The following GBF1 variants were observed in gnomAD, a reference collection of about 807,000 sequenced individuals.
The protein encoded by GBF1 is Golgi-specific brefeldin A-resistance guanine nucleotide exchange factor 1.
A neutral mutation model predicts 210.5 loss-of-function variants in GBF1; 114 were observed. That is an observed-to-expected ratio of 0.54 (90% CI 0.47 to 0.63). The LOEUF (loss-of-function observed/expected upper bound fraction) is 0.63, where lower values mean the gene tolerates loss of function less well. Among genes scored for constraint, GBF1 ranks in the 30% least tolerant of loss-of-function variants. The pLI is 0.00. For missense variants in GBF1, 1,851 were observed against 2,357.7 expected (o/e 0.79, Z 4.45); for synonymous variants, 850 against 889.2 (o/e 0.96, Z 0.78).
intron 3 of GBF1, among the ~76,000 whole-genome samples, chr10:102,296,717 G>C (rs900260944): frequency 1.3e-5 from 2 of 148,970 alleles, no homozygotes; most frequent in Non-Finnish European, 3.0e-5. Context: ...CTCCAGCCTA[G>C]GCGACAGAGT....
intron 17 of GBF1, among the ~76,000 whole-genome samples, chr10:102,365,096 G>A (rs1286664019): frequency 6.6e-6 from 1 of 152,154 alleles, no homozygotes; most frequent in East Asian, 1.9e-4. Flanking sequence ...CTGGAGAGAA[G>A]AATTACCTAG....
Position 102,368,450 on chromosome 10 carries a change from T to C in GBF1, c.2875T>C (p.Phe959Leu), listed in dbSNP as rs1763993309. The change falls in exon 22 of 40, where the codon TTC becomes CTC. Residue 959 changes from phenylalanine to leucine, a missense_variant. Around this residue, in one of 3 missense-constraint regions of GBF1, gnomAD observed 967 missense variants for 1,247.7 expected, o/e 0.78. Transcript: ENST00000369983. ...ETIIQKAISG[F>L]RKCAMISAHY... ...AATCATCCAGAAAGCCATCTCAGGC[T>C]TCAGGTAGCCCAGCTTTGGCCTTGG... 4 of 1,580,744 alleles carry C rather than the reference T, an allele frequency of 2.5e-6. No individual in the cohort carries two copies. Among genetic ancestry groups the C allele is most frequent in the Non-Finnish European group, 1.7e-6 (2 of 1,149,942 alleles).
At position 102,375,371 on chromosome 10, in the gene GBF1, C is replaced by A. The variant is rs762010839; in HGVS notation, c.3673C>A (p.Leu1225Met). ...EEISAQVLLS[L>M]RILLLMKPSV... Reference sequence around the variant, plus strand: ...AACCCCACTCCAGGTGCTGCTCTCCCTGCGCATTTTGCTACTGATGAAGCC... The same window carrying A: ...AACCCCACTCCAGGTGCTGCTCTCCATGCGCATTTTGCTACTGATGAAGCC... The change falls in exon 30 of 40, where the codon CTG becomes ATG. Residue 1225 changes from leucine to methionine, a missense_variant. This residue lies in a region of GBF1 where 967 missense variants were observed against 1,247.7 expected (regional missense o/e 0.78). Transcript: ENST00000369983. 2 of 1,610,762 alleles carry A rather than the reference C, an allele frequency of 1.2e-6. No individual in the cohort carries two copies. The highest frequency in any genetic ancestry group is 3.3e-5 in the Admixed American group (2 of 60,004).
chr10:102,358,328 G>T, intron 9 of GBF1, 142 bp downstream of exon 9: 1 of 874,010 alleles, frequency 1.1e-6, no homozygotes, highest in East Asian at 2.4e-5. Context: ...GGTCAAATCA[G>T]AGTGTGACCA....
At chr10:102,370,135 C>G in intron 26 of GBF1, 39 bp from the exon 27 acceptor site, 1 of 1,548,550 alleles carries the variant, frequency 6.5e-7, no homozygotes. Flanking sequence ...TTCTCTTCAG[C>G]CTTTGTCAAA....
intron 36 of GBF1, 49 bp downstream of exon 36, chr10:102,380,003 C>G (rs767407307): frequency 1.5e-6 from 2 of 1,300,500 alleles, no homozygotes; most frequent in Non-Finnish European, 2.2e-6. Context: ...CCTGCCTTTT[C>G]CCGAGGAGGG....
chr10:102,364,749 T>C (rs903566965), intron 17 of GBF1, among the ~76,000 whole-genome samples: 1 of 151,756 alleles, frequency 6.6e-6, no homozygotes, highest in African/African-American at 2.4e-5. Context: ...CTCGGGAGAC[T>C]GAGGCAGGAG....
intron 1 of GBF1, among the ~76,000 whole-genome samples, chr10:102,252,568 G>T (rs567950260): frequency 5.3e-5 from 8 of 152,042 alleles, no homozygotes; most frequent in Admixed American, 5.2e-4. Context: ...GAATGATGTG[G>T]CGTGGTGGCC....
At chr10:102,322,854 T>G (rs894576215) in intron 3 of GBF1, among the ~76,000 whole-genome samples, 1 of 151,840 alleles carries the variant, frequency 6.6e-6, no homozygotes, top group African/African-American at 2.4e-5. Context: ...GAAGCAGAGG[T>G]TGCAGTGAGC....
chr10:102,285,894 T>C (rs540788729), intron 3 of GBF1, among the ~76,000 whole-genome samples: 1 of 152,314 alleles, frequency 6.6e-6, no homozygotes, highest in East Asian at 1.9e-4. Flanking sequence ...TATTTTGCTA[T>C]TTAATGTGTT....
intron 4 of GBF1, among the ~76,000 whole-genome samples, chr10:102,346,782 C>T (rs1009018235): frequency 7.2e-5 from 11 of 152,220 alleles, no homozygotes; most frequent in African/African-American, 2.2e-4. Flanking sequence ...GCTAGGATTA[C>T]GGATGTGAGC....
At chr10:102,340,220 G>A (rs1308572750) in intron 3 of GBF1, among the ~76,000 whole-genome samples, 1 of 149,506 alleles carries the variant, frequency 6.7e-6, no homozygotes, top group Non-Finnish European at 1.5e-5. Context: ...CTCCCAAAGT[G>A]CTGGGATTAT....
At chr10:102,280,321 G>A (rs955344751) in intron 3 of GBF1, among the ~76,000 whole-genome samples, 1 of 152,164 alleles carries the variant, frequency 6.6e-6, no homozygotes, top group Non-Finnish European at 1.5e-5. Context: ...ACCCAGTCCA[G>A]TGTGTGGGTT....
intron 3 of GBF1, among the ~76,000 whole-genome samples, chr10:102,308,453 T>A (rs1007123932): frequency 2.0e-5 from 3 of 151,988 alleles, no homozygotes; most frequent in African/African-American, 7.3e-5. Context: ...CTATTCCCAA[T>A]AGCAAAGACT....
At chr10:102,293,758 T>G (rs2076635294) in intron 3 of GBF1, among the ~76,000 whole-genome samples, 1 of 128,742 alleles carries the variant, frequency 7.8e-6, no homozygotes, top group Admixed American at 9.1e-5. Flanking sequence ...TGTACAGCTG[T>G]AGTATGTTTT....
At chr10:102,283,699 G>A (rs1178875728) in intron 3 of GBF1, among the ~76,000 whole-genome samples, 1 of 152,194 alleles carries the variant, frequency 6.6e-6, no homozygotes, top group African/African-American at 2.4e-5. Context: ...ACTATTCAAA[G>A]TGCTTCTACC....
intron 4 of GBF1, among the ~76,000 whole-genome samples, chr10:102,347,517 G>A (rs1015311109): frequency 6.6e-6 from 1 of 152,168 alleles, no homozygotes. Flanking sequence ...TGGCAGACAG[G>A]CTGGTCATTG....
intron 1 of GBF1, among the ~76,000 whole-genome samples, chr10:102,249,412 A>C (rs1193523949): frequency 6.6e-6 from 1 of 152,150 alleles, no homozygotes; most frequent in Non-Finnish European, 1.5e-5. Flanking sequence ...ATACTCTCAG[A>C]ATCTCCACAG....
Position 102,366,864 on chromosome 10 carries a change from G to A in GBF1, c.2434-221G>A, listed in dbSNP as rs2059941936. On this transcript the variant is annotated intron_variant, in intron 19 of 39. Transcript: ENST00000369983. This position sits in a 1 kb window ranked among gnomAD's most constrained non-coding sequence, Gnocchi z 4.0. Reference sequence around the variant, plus strand: ...GCCTCCCTGAGTGCTGGGATTACAAGCGTGAACCACCGCACCCAGCCTGCT... The same window carrying A: ...GCCTCCCTGAGTGCTGGGATTACAAACGTGAACCACCGCACCCAGCCTGCT... 6.6e-6 allele frequency among the ~76,000 whole-genome samples: 1 copy of A among 152,122 alleles called. No individual in the cohort carries two copies. Among genetic ancestry groups the A allele is most frequent in the African/African-American group, 2.4e-5 (1 of 41,406 alleles).
Sources: gnomAD v4.1 joint callset for allele counts (sites outside exome capture counted in the v4.1 genomes callset) on GRCh38, gnomAD v4.1.1 for gene constraint, gnomAD v4.1.1 regional missense constraint, Gnocchi (gnomAD v3.1) non-coding constraint, MANE v1.5 for transcripts, NCBI Gene and HGNC (gene_info 2026-07-23, HGNC 2026-07-21) for gene names.